The following SMTN variants were observed in gnomAD, a reference collection of about 807,000 sequenced individuals.
SMTN encodes smoothelin.
Under a neutral mutation model 102.0 loss-of-function variants are expected in SMTN, and 58 were observed. That is an observed-to-expected ratio of 0.57 (90% CI 0.46 to 0.71). The LOEUF (loss-of-function observed/expected upper bound fraction) is 0.71, where lower values mean the gene tolerates loss of function less well. Ranked by LOEUF, SMTN falls within the 30% of genes least tolerant of loss-of-function variation. The pLI is 0.00. For synonymous variants in SMTN, 478 were observed against 497.9 expected, an observed-to-expected ratio of 0.96 and a Z score of 0.53; for missense variants, 1,185 against 1,241.7, an observed-to-expected ratio of 0.95 and a Z score of 0.69.
At chr22:31,084,903 T>C (rs908914477) in intron 2 of SMTN, 13 of 1,261,750 alleles carry the variant, frequency 1.0e-5, no homozygotes, top group African/African-American at 1.6e-5. Flanking sequence ...GCTGGCCTCG[T>C]GGCAAGAACG....
chr22:31,081,262 G>C (rs1411985307), upstream of SMTN: 6 of 152,264 alleles, frequency 3.9e-5, no homozygotes, highest in Non-Finnish European at 8.8e-5. Flanking sequence ...TGGCTGGCGC[G>C]TCGGGGCAGG....
chr22:31,083,065 G>C (rs2042418002), intron 1 of SMTN, 114 bp from the exon 2 acceptor site: 27 of 1,466,748 alleles, frequency 1.8e-5, no homozygotes, highest in Non-Finnish European at 2.0e-5. Context: ...CCACATTATA[G>C]GATGGGACAG....
At chr22:31,081,831 T>C (rs1355004028) in intron 1 of SMTN, among the ~76,000 whole-genome samples, 3 of 152,128 alleles carry the variant, frequency 2.0e-5, no homozygotes, top group African/African-American at 7.2e-5. Flanking sequence ...AGCTGCCCCA[T>C]AGAAGAACAG....
chr22:31,082,985 C>T (rs1238787746), intron 1 of SMTN, 194 bp from the exon 2 acceptor site: 9 of 1,434,036 alleles, frequency 6.3e-6, no homozygotes, highest in Non-Finnish European at 4.8e-6. Flanking sequence ...GAACCAGAGA[C>T]CCCCTACCCT....
In SMTN at chr22:31,098,662, C is replaced by T. The variant is rs546925063; in HGVS notation, c.2160-5C>T. 120 of 1,613,186 alleles carry T rather than the reference C, an allele frequency of 7.4e-5. 2 individuals carry two copies. The South Asian group carries it at 1.3e-3, about 17-fold the overall frequency. On this transcript the variant is annotated splice_polypyrimidine_tract_variant and splice_region_variant and intron_variant, in intron 16 of 20. Transcript: ENST00000333137. ...CTGCCTAACATGCGCCTCCCCAACC[C>T]CTAGCATCTTCGACCGCGAGGACCA...
At chr22:31,071,390 C>T (rs1343438512) in intron 1 of SMTN, among the ~76,000 whole-genome samples, 1 of 148,596 alleles carries the variant, frequency 6.7e-6, no homozygotes, top group Non-Finnish European at 1.5e-5. Flanking sequence ...CCTAGCACTT[C>T]GGGAGGCTGA....
chr22:31,091,618 C>G, intron 10 of SMTN, 57 bp from the exon 11 acceptor site: 2 of 1,531,992 alleles, frequency 1.3e-6, no homozygotes, highest in Non-Finnish European at 1.8e-6. Flanking sequence ...TCAACCTTGT[C>G]TGGCACTGCC....
At chr22:31,099,660 A>G (rs2043915311) in intron 18 of SMTN, 85 bp from the exon 19 acceptor site, 5 of 1,478,258 alleles carry the variant, frequency 3.4e-6, no homozygotes, top group Non-Finnish European at 4.6e-6. Flanking sequence ...CCAGTGCCCT[A>G]GGTCTGGAAT....
chr22:31,088,583 G>A lies in SMTN; in HGVS notation c.271G>A (p.Asp91Asn), dbSNP rs376723628. The A allele has an allele frequency of 1.4e-5, 23 of 1,613,790 alleles. No individual in the cohort carries two copies. The highest frequency in any genetic ancestry group is 4.5e-5 in the East Asian group (2 of 44,902). ...GGCAGGGCAGCTGGAGTCCATGAAC[G>A]ATGTGGAGGAATTGACTGCACTGGT... The part of the protein sequence containing the change: ...RLAGQLESMN[D>N]VEELTALLRS... The change falls in exon 4 of 21, where the codon GAT (aspartate) becomes AAT (asparagine). Residue 91 changes from aspartate (D) to asparagine (N), a missense_variant. By Grantham distance (23) the Asp-to-Asn change is conservative (BLOSUM62 1). Coordinates refer to ENST00000333137, the MANE Select transcript of SMTN (RefSeq NM_134269.3).
rs1273549227 is a variant in SMTN at position 31,091,724 on chromosome 22, T to C, written c.1509T>C (p.Ser503=). The C allele has an allele frequency of 1.9e-6, 3 of 1,612,570 alleles. No individual in the cohort carries two copies. Among genetic ancestry groups the C allele is most frequent in the Non-Finnish European group, 2.5e-6 (3 of 1,179,054 alleles). The change falls in exon 11 of 21, where the codon AGT becomes AGC. Residue 503 remains serine (S), a synonymous_variant. Coordinates refer to ENST00000333137, the MANE Select transcript of SMTN (RefSeq NM_134269.3). ...CCCCGACCCTACTCAGCACCAGTAG[T>C]GGGGGCAAGAGCACCATCACCCGTG... ...RAPPTLLSTS[S]GGKSTITRVN...
At chr22:31,079,397 C>T (rs1231377616), upstream of SMTN, among the ~76,000 whole-genome samples, 1 of 152,202 alleles carries the variant, frequency 6.6e-6, no homozygotes, top group East Asian at 1.9e-4. Flanking sequence ...ATGTGCCAGA[C>T]AGTAAATCCA....
At chr22:31,085,282 G>A in intron 2 of SMTN, 1 of 1,504,826 alleles carries the variant, frequency 6.6e-7, no homozygotes, top group African/African-American at 1.4e-5. Context: ...GGCGCCTAGC[G>A]CGAGGCAGGG....
At chr22:31,096,499 C>T (rs2043587210) in intron 13 of SMTN, 2 of 448,914 alleles carry the variant, frequency 4.5e-6, no homozygotes, top group Middle Eastern at 5.7e-4. Flanking sequence ...TTAGCTACTC[C>T]GTATTCTCTA....
intron 2 of SMTN, chr22:31,083,566 A>G (rs1339306846): frequency 2.5e-6 from 1 of 402,192 alleles, no homozygotes; most frequent in Non-Finnish European, 4.5e-6. Flanking sequence ...TAACTGCTGT[A>G]GACTCGCCCG....
intron 16 of SMTN, 32 bp from the exon 17 acceptor site, chr22:31,098,635 C>A: frequency 6.2e-7 from 1 of 1,608,122 alleles, no homozygotes; most frequent in Non-Finnish European, 8.5e-7. Flanking sequence ...GCCCTGCTCT[C>A]CCTGCCTAAC....
rs1479208482 is a variant in SMTN, at chr22:31,088,612, GC to G, written c.294+9del. The G allele has an allele frequency of 6.2e-7, 1 of 1,613,522 alleles. No homozygotes were observed. The highest frequency in any genetic ancestry group is 8.5e-7 in the Non-Finnish European group (1 of 1,179,672). On this transcript the variant is annotated splice_region_variant and intron_variant, in intron 4 of 20. Transcript: ENST00000333137. ...TGGAGGAATTGACTGCACTGGTGAG[GC>G]CCAGGCTGGGGCAGGGGATGGGGGC...
In SMTN at chr22:31,095,291, C is replaced by T. The variant is rs2147753991; in HGVS notation, c.1633-12C>T. On this transcript the variant is annotated splice_polypyrimidine_tract_variant and intron_variant, in intron 11 of 20. Transcript: ENST00000333137. The surrounding 1 kb of genome is among the most constrained non-coding windows in gnomAD (Gnocchi z 4.1). ...CCCTGCTTAAAGTCCATGCCCTCTC[C>T]CCACCCTGCAGATGGAAGCAGAGCC... The T allele has an allele frequency of 6.2e-7, 1 of 1,612,956 alleles. No individual in the cohort carries two copies. The highest frequency in any genetic ancestry group is 8.5e-7 in the Non-Finnish European group (1 of 1,179,852).
At position 31,098,698 on chromosome 22, in the gene SMTN, CGG is replaced by C; in HGVS notation, c.2193_2194del (p.Ala732ArgfsTer37). On this transcript the variant is annotated frameshift_variant, in exon 17 of 21. Coordinates refer to ENST00000333137, the MANE Select transcript of SMTN (RefSeq NM_134269.3). LOFTEE classifies it high-confidence loss of function. Reference protein sequence around the residue: ...IFDREDQASPRAGSLAALEKR... With the variant: ...IFDREDQASPXAGSLAALEKR... The stretch of plus-strand genomic sequence containing the variant: ...CGACCGCGAGGACCAGGCCAGCCCA[CGG>C]GCCGGCAGCCTGGCGGCGCTCGAGA... 3.1e-6 allele frequency: 5 copies of C among 1,613,536 alleles called. No homozygotes were observed. The highest frequency in any genetic ancestry group is 4.2e-6 in the Non-Finnish European group (5 of 1,179,926).
intron 11 of SMTN, among the ~76,000 whole-genome samples, 198 bp downstream of exon 11, chr22:31,092,045 C>G (rs1477844841): frequency 6.6e-6 from 1 of 152,204 alleles, no homozygotes; most frequent in Non-Finnish European, 1.5e-5. Context: ...GCATATCAGT[C>G]CCTAAGTGTG....
Sources: allele counts gnomAD v4.1 joint callset (sites outside exome capture counted in the v4.1 genomes callset), GRCh38; gene constraint gnomAD v4.1.1; non-coding constraint Gnocchi (gnomAD v3.1); transcripts MANE v1.5; gene names NCBI Gene and HGNC (gene_info 2026-07-23, HGNC 2026-07-21).